TECPR2: variants seen among roughly 807,000 people sequenced by gnomAD.
TECPR2 encodes tectonin beta-propeller repeat containing 2, also known as tectonin beta-propeller repeat-containing protein 2.
Under a neutral mutation model 138.1 loss-of-function variants are expected in TECPR2, and 65 were observed. The ratio of observed to expected loss-of-function variants is 0.47; its 90% CI spans 0.39 to 0.58. TECPR2 has a LOEUF of 0.58. Ranked by LOEUF, TECPR2 falls within the 20% of genes least tolerant of loss-of-function variation. The pLI is 0.00. For missense variants in TECPR2, 1,553 were observed against 1,824.5 expected, an observed-to-expected ratio of 0.85 and a Z score of 2.71; for synonymous variants, 746 against 749.8, an observed-to-expected ratio of 0.99 and a Z score of 0.08.
chr14:102,432,360 T>C (rs1361583536), intron 8 of TECPR2, among the ~76,000 whole-genome samples: 1 of 151,300 alleles, frequency 6.6e-6, no homozygotes, highest in Non-Finnish European at 1.5e-5. Context: ...CTGTGTGTAC[T>C]CACCACCCTG....
intron 6 of TECPR2, among the ~76,000 whole-genome samples, chr14:102,427,601 T>G (rs1193437236): frequency 2.0e-5 from 3 of 152,184 alleles, no homozygotes; most frequent in Non-Finnish European, 4.4e-5. Context: ...ATGTCCTGTG[T>G]TTTGTTGCCA....
chr14:102,414,318 C>T (rs990939359), intron 4 of TECPR2, among the ~76,000 whole-genome samples: 1 of 152,236 alleles, frequency 6.6e-6, no homozygotes, highest in African/African-American at 2.4e-5. Context: ...TTTACTGCAT[C>T]ATCCCTGAGC....
chr14:102,372,851 C>T (rs1236004810), intron 1 of TECPR2, among the ~76,000 whole-genome samples: 3 of 151,804 alleles, frequency 2.0e-5, no homozygotes, highest in East Asian at 3.9e-4. Flanking sequence ...ACCCAGGAGG[C>T]GGAGGTTGCA....
intron 18 of TECPR2, 21 bp downstream of exon 18, chr14:102,497,141 C>T: frequency 6.2e-7 from 1 of 1,604,634 alleles, no homozygotes; most frequent in Non-Finnish European, 8.5e-7. Context: ...GCAGACAGGG[C>T]CTGTGGTGCC....
intron 4 of TECPR2, among the ~76,000 whole-genome samples, chr14:102,411,699 CAA>C (rs1173849759): frequency 1.1e-3 from 50 of 46,846 alleles, no homozygotes; most frequent in African/African-American, 6.0e-3. Flanking sequence ...CCATGTTGCT[CAA>C]AAAAAAAAAA....
At chr14:102,469,151 T>C (rs1595141662) in intron 17 of TECPR2, among the ~76,000 whole-genome samples, 1 of 152,212 alleles carries the variant, frequency 6.6e-6, no homozygotes, top group Non-Finnish European at 1.5e-5. Flanking sequence ...TAACTGGAAT[T>C]TTGAAAGGAA....
intron 17 of TECPR2, among the ~76,000 whole-genome samples, chr14:102,496,222 C>T (rs1891275879): frequency 6.6e-6 from 1 of 152,226 alleles, no homozygotes; most frequent in African/African-American, 2.4e-5. Context: ...TGGGGGACAG[C>T]CAGCCCCTCG....
intron 2 of TECPR2, among the ~76,000 whole-genome samples, chr14:102,389,819 T>C (rs1049508422): frequency 6.6e-6 from 1 of 152,252 alleles, no homozygotes; most frequent in Non-Finnish European, 1.5e-5. Flanking sequence ...TTTAGGCTTC[T>C]TCCTTCAACT....
chr14:102,420,508 T>G lies in TECPR2; in HGVS notation c.639-4471T>G, dbSNP rs1889150700. 6.6e-6 allele frequency among the ~76,000 whole-genome samples: 1 copy of G among 152,156 alleles called. No individual in the cohort carries two copies. Among genetic ancestry groups the G allele is most frequent in the South Asian group, 2.1e-4 (1 of 4,832 alleles). ...ATTTTTTAGAGACAGGGTCTTGCTG[T>G]GTCACCAAGGCTGGGGTGCAGTGGT... On this transcript the variant is annotated intron_variant, in intron 5 of 19. Transcript: ENST00000359520. This position sits in a 1 kb window ranked among gnomAD's most constrained non-coding sequence, Gnocchi z 4.1.
At chr14:102,381,005 C>T (rs150749178) in intron 2 of TECPR2, among the ~76,000 whole-genome samples, 3,947 of 141,738 alleles carry the variant, frequency 0.028, 69 homozygotes, top group Middle Eastern at 0.097. Context: ...GGCAGAGTTT[C>T]GCTCTTGTTG....
chr14:102,452,456 C>T lies in TECPR2; in HGVS notation c.3469C>T (p.Gln1157Ter). The part of the protein sequence containing the change: ...DLCSVSAQSA[Q>*]SRPSTVQLPP... ...GTGCAGCGTCAGCGCCCAGAGCGCA[C>T]AGTCGCGGCCCTCCACGGTGCAGCT... Residue 1157 changes from glutamine (Q) to a stop codon, truncating the protein, a stop_gained, in exon 16 of 20, where the codon CAG becomes TAG. Coordinates refer to ENST00000359520, the MANE Select transcript of TECPR2 (RefSeq NM_014844.5). LOFTEE classifies it high-confidence loss of function. The T allele has an allele frequency of 6.2e-7, 1 of 1,613,700 alleles. No individual in the cohort carries two copies. The highest frequency in any genetic ancestry group is 8.5e-7 in the Non-Finnish European group (1 of 1,179,896).
At position 102,498,482 on chromosome 14, in the gene TECPR2, T is replaced by C; in HGVS notation, c.*225T>C. On this transcript the variant is annotated 3_prime_UTR_variant, in exon 20 of 20. Transcript: ENST00000359520. The stretch of plus-strand genomic sequence containing the variant: ...TGCTGCAGCAGTGGCGCCTCCTAGC[T>C]CAGGACAGTGGCGACTGCCCGGCTG... 1.6e-6 allele frequency: 1 copy of C among 618,458 alleles called. No homozygotes were observed. The highest frequency in any genetic ancestry group is 2.8e-6 in the Non-Finnish European group (1 of 358,414). The allele number at this position is 618,458 out of a possible 1,614,324, so 38.3% of individuals were successfully genotyped here.
At position 102,498,333 on chromosome 14, in the gene TECPR2, G is replaced by A; in HGVS notation, c.*76G>A. The A allele has an allele frequency of 6.7e-7, 1 of 1,491,066 alleles. No homozygotes were observed. The allele number at this position is 1,491,066 out of a possible 1,614,324, so 92.4% of individuals were successfully genotyped here. On this transcript the variant is annotated 3_prime_UTR_variant, in exon 20 of 20. Coordinates refer to ENST00000359520, the MANE Select transcript of TECPR2 (RefSeq NM_014844.5). ...AGGGGCTTCAGAGTGACTCCCTGGTGGACGCGCTGCCTCAACACTTGTCCA... is the reference window on the plus strand; with the variant it reads ...AGGGGCTTCAGAGTGACTCCCTGGTAGACGCGCTGCCTCAACACTTGTCCA...
intron 2 of TECPR2, among the ~76,000 whole-genome samples, chr14:102,398,655 C>T (rs1189132868): frequency 6.6e-6 from 1 of 151,350 alleles, no homozygotes; most frequent in East Asian, 2.0e-4. Context: ...TGAGTTCAAG[C>T]TCAGCCTGGG....
chr14:102,447,077 C>T (rs1890002073), intron 13 of TECPR2, among the ~76,000 whole-genome samples: 1 of 152,164 alleles, frequency 6.6e-6, no homozygotes, highest in South Asian at 2.1e-4. Flanking sequence ...CTATAAGAAA[C>T]AGGATGAGGG....
At chr14:102,392,698 G>A (rs919276155) in intron 2 of TECPR2, among the ~76,000 whole-genome samples, 5 of 151,990 alleles carry the variant, frequency 3.3e-5, no homozygotes, top group Admixed American at 1.3e-4. Context: ...TTCTAATTAC[G>A]AGCAATGTGG....
intron 16 of TECPR2, among the ~76,000 whole-genome samples, chr14:102,459,173 C>T (rs1318183404): frequency 2.0e-5 from 3 of 151,994 alleles, no homozygotes; most frequent in African/African-American, 7.2e-5. Flanking sequence ...TCCAGTGATG[C>T]TCCCACATCA....
intron 17 of TECPR2, among the ~76,000 whole-genome samples, chr14:102,482,956 G>T (rs1309534923): frequency 1.4e-5 from 2 of 146,120 alleles, no homozygotes; most frequent in Non-Finnish European, 3.0e-5. Context: ...CCATTCTCCT[G>T]CCTCAGCCTC....
chr14:102,497,352 G>T (rs1041100059), intron 18 of TECPR2, among the ~76,000 whole-genome samples: 2 of 151,974 alleles, frequency 1.3e-5, no homozygotes, highest in Non-Finnish European at 2.9e-5. Context: ...CACTGCCCAG[G>T]CCCTTCTGTC....
Sources: gnomAD v4.1 joint callset for allele counts (sites outside exome capture counted in the v4.1 genomes callset) on GRCh38, gnomAD v4.1.1 for gene constraint, Gnocchi (gnomAD v3.1) non-coding constraint, MANE v1.5 for transcripts, NCBI Gene and HGNC (gene_info 2026-07-23, HGNC 2026-07-21) for gene names.